The following AGO3 variants were observed in gnomAD, a reference collection of about 807,000 sequenced individuals.
The protein encoded by AGO3 is argonaute RISC catalytic component 3.
A neutral mutation model predicts 105.5 loss-of-function variants in AGO3; 16 were observed. The ratio of observed to expected loss-of-function variants is 0.15; its 90% CI spans 0.10 to 0.23. The LOEUF is 0.23. Among genes scored for constraint, AGO3 ranks in the 10% least tolerant of loss-of-function variants. The pLI, the probability that AGO3 is intolerant of heterozygous loss-of-function variation, is 1.00. For synonymous variants in AGO3, 340 were observed against 367.3 expected (o/e 0.93, Z 0.85); for missense variants, 534 against 1,088.0 (o/e 0.49, Z 7.16).
chr1:35,971,963 T>C, intron 3 of AGO3, 61 bp from the exon 4 acceptor site: 1 of 1,453,860 alleles, frequency 6.9e-7, no homozygotes, highest in African/African-American at 1.4e-5. Flanking sequence ...ATAAGTTAAA[T>C]CTAAAATAAT....
At chr1:35,981,063 C>T (rs1338224518) in intron 5 of AGO3, among the ~76,000 whole-genome samples, 1 of 152,072 alleles carries the variant, frequency 6.6e-6, no homozygotes, top group Non-Finnish European at 1.5e-5. Context: ...GTTAGTTGCT[C>T]CTTGAGTTTC....
At chr1:35,945,617 A>C in intron 1 of AGO3, 75 bp from the exon 2 acceptor site, 2 of 1,455,492 alleles carry the variant, frequency 1.4e-6, no homozygotes, top group Non-Finnish European at 1.9e-6. Context: ...TTATAATTCT[A>C]ATATACTCTG....
At chr1:35,960,500 C>A (rs192214551) in intron 2 of AGO3, among the ~76,000 whole-genome samples, 7 of 150,678 alleles carry the variant, frequency 4.6e-5, no homozygotes, top group African/African-American at 1.7e-4. Context: ...TTTTTTTTTT[C>A]GCTAAAATTC....
intron 5 of AGO3, among the ~76,000 whole-genome samples, chr1:35,996,280 C>A (rs1477454466): frequency 2.0e-5 from 3 of 151,164 alleles, no homozygotes; most frequent in African/African-American, 7.3e-5. Flanking sequence ...ATTATTATCA[C>A]CACTGTACTT....
intron 2 of AGO3, among the ~76,000 whole-genome samples, chr1:35,961,194 G>A (rs922075394): frequency 1.3e-5 from 2 of 151,230 alleles, no homozygotes; most frequent in Non-Finnish European, 2.9e-5. Flanking sequence ...CTCTTGATCC[G>A]CCTGCCTCGG....
At chr1:36,049,527 A>G (rs890578784) in intron 17 of AGO3, among the ~76,000 whole-genome samples, 1 of 152,006 alleles carries the variant, frequency 6.6e-6, no homozygotes, top group Non-Finnish European at 1.5e-5. Context: ...AAAAAAAAAA[A>G]AAAGAAAAGA....
intron 2 of AGO3, among the ~76,000 whole-genome samples, chr1:35,954,941 A>G (rs1279736388): frequency 6.6e-6 from 1 of 152,246 alleles, no homozygotes; most frequent in Non-Finnish European, 1.5e-5. Flanking sequence ...CTGTGCTGAT[A>G]TATGCTACAA....
At chr1:35,937,062 T>C (rs1324524462) in intron 1 of AGO3, among the ~76,000 whole-genome samples, 2 of 152,088 alleles carry the variant, frequency 1.3e-5, no homozygotes, top group Admixed American at 1.3e-4. Flanking sequence ...GATTGCAAAA[T>C]GGGCTCTTAC....
chr1:36,037,105 C>T (rs1277595703), intron 14 of AGO3, among the ~76,000 whole-genome samples: 1 of 152,110 alleles, frequency 6.6e-6, no homozygotes, highest in East Asian at 1.9e-4. Flanking sequence ...TTCTTATAAA[C>T]TTGAGAAAGC....
At position 36,014,719 on chromosome 1, in the gene AGO3, C is replaced by G. The variant is rs1243073138; in HGVS notation, c.1406+671C>G. On this transcript the variant is annotated intron_variant, in intron 11 of 18. Transcript: ENST00000373191. ...CCAGGAGGCGGAGCTTGTAGTGAGC[C>G]GAGATTGTGCCACTGCACTCCAGCC... Among the ~76,000 whole-genome samples, 6 of 143,534 alleles carry G rather than the reference C, an allele frequency of 4.2e-5. No homozygotes were observed. The East Asian group carries it at 1.4e-3, about 33-fold the overall frequency. 94.2% of individuals were successfully genotyped at this position (143,534 alleles called of 152,430 possible).
Position 36,008,734 on chromosome 1 carries a change from T to G in AGO3, c.838T>G (p.Tyr280Asp). 1 of 1,614,128 alleles carries G rather than the reference T, an allele frequency of 6.2e-7. No individual in the cohort carries two copies. The change falls in exon 7 of 19, where the codon TAC (tyrosine) becomes GAC (aspartate). Residue 280 changes from tyrosine to aspartate, a missense_variant. Transcript: ENST00000373191. This position sits in a 1 kb window ranked among gnomAD's most constrained non-coding sequence, Gnocchi z 5.1. ...TCATTGTGGAACAATGAGACGGAAA[T>G]ACCGTGTTTGTAATGTAACAAGGAG... ...VTHCGTMRRK[Y>D]RVCNVTRRPA... is the part of the protein sequence containing the mutation.
At chr1:36,031,045 A>G (rs1039522083) in intron 12 of AGO3, among the ~76,000 whole-genome samples, 1 of 152,206 alleles carries the variant, frequency 6.6e-6, no homozygotes, top group African/African-American at 2.4e-5. Context: ...ATAACTACCC[A>G]ATACACTGTT....
At chr1:35,975,844 T>C (rs990398652) in intron 5 of AGO3, among the ~76,000 whole-genome samples, 12 of 152,290 alleles carry the variant, frequency 7.9e-5, no homozygotes, top group African/African-American at 2.6e-4. Flanking sequence ...TCAAAGAATA[T>C]ACTATGTCTT....
At chr1:35,953,447 C>T (rs1282696046) in intron 2 of AGO3, among the ~76,000 whole-genome samples, 2 of 151,738 alleles carry the variant, frequency 1.3e-5, no homozygotes, top group Non-Finnish European at 2.9e-5. Flanking sequence ...TTCCTGATGA[C>T]GGATGTTGAA....
intron 1 of AGO3, among the ~76,000 whole-genome samples, chr1:35,945,458 C>G (rs1223651333): frequency 6.6e-6 from 1 of 152,128 alleles, no homozygotes; most frequent in African/African-American, 2.4e-5. Flanking sequence ...GTTCTTCCTT[C>G]TCTCTGCCCT....
chr1:35,945,377 A>G (rs1194227665), intron 1 of AGO3, among the ~76,000 whole-genome samples: 2 of 151,024 alleles, frequency 1.3e-5, no homozygotes, highest in Non-Finnish European at 3.0e-5. Flanking sequence ...CTTTAACTTT[A>G]CTTTGCTATT....
intron 5 of AGO3, among the ~76,000 whole-genome samples, chr1:35,979,010 T>C (rs1647001726): frequency 6.6e-6 from 1 of 152,194 alleles, no homozygotes; most frequent in South Asian, 2.1e-4. Flanking sequence ...AATTTTCAGA[T>C]TGAAGATCTT....
intron 2 of AGO3, among the ~76,000 whole-genome samples, chr1:35,948,900 AT>A (rs1377497033): frequency 1.3e-5 from 2 of 151,638 alleles, no homozygotes; most frequent in African/African-American, 4.8e-5. Context: ...AATTTTAGTC[AT>A]TTTTATCATG....
intron 11 of AGO3, among the ~76,000 whole-genome samples, chr1:36,015,145 TG>T (rs1035865060): frequency 6.6e-6 from 1 of 152,194 alleles, no homozygotes; most frequent in African/African-American, 2.4e-5. Flanking sequence ...CCTCTGGTCA[TG>T]GGTTCCCATG....
Sources: gnomAD v4.1 joint callset for allele counts (sites outside exome capture counted in the v4.1 genomes callset) on GRCh38, gnomAD v4.1.1 for gene constraint, Gnocchi (gnomAD v3.1) non-coding constraint, MANE v1.5 for transcripts, NCBI Gene and HGNC (gene_info 2026-07-23, HGNC 2026-07-21) for gene names.